Variants in SATB2 observed in about 807,000 individuals in gnomAD.
The protein encoded by SATB2 is DNA-binding protein SATB2.
Under a neutral mutation model 73.4 loss-of-function variants are expected in SATB2, and 1 was observed. That is an observed-to-expected ratio of 0.01 (90% CI 0.00 to 0.06). The LOEUF (loss-of-function observed/expected upper bound fraction) is 0.06. Among genes scored for constraint, SATB2 ranks in the 10% least tolerant of loss-of-function variants. The pLI, the probability that SATB2 is intolerant of heterozygous loss-of-function variation, is 1.00. For missense variants in SATB2, 459 were observed against 945.8 expected, an observed-to-expected ratio of 0.49 and a Z score of 6.75; for synonymous variants, 397 against 367.0, an observed-to-expected ratio of 1.08 and a Z score of -0.93.
intron 7 of SATB2, among the ~76,000 whole-genome samples, chr2:199,338,003 A>T (rs1426720445): frequency 6.6e-6 from 1 of 152,182 alleles, no homozygotes; most frequent in African/African-American, 2.4e-5. Flanking sequence ...ATCATACTGT[A>T]AATATAACAT....
At chr2:199,346,810 AT>A (rs1399803967) in intron 7 of SATB2, 1 of 150,282 alleles carries the variant, frequency 6.7e-6, no homozygotes, top group African/African-American at 2.5e-5. Flanking sequence ...AGGCAATCCA[AT>A]TTACCAACAT....
At chr2:199,441,356 G>A (rs991312252) in intron 2 of SATB2, among the ~76,000 whole-genome samples, 1 of 152,120 alleles carries the variant, frequency 6.6e-6, no homozygotes, top group African/African-American at 2.4e-5. Flanking sequence ...GAATTTTTCA[G>A]AGAATGTGTA....
chr2:199,444,807 G>A (rs533282551), intron 2 of SATB2, among the ~76,000 whole-genome samples: 1 of 152,306 alleles, frequency 6.6e-6, no homozygotes, highest in South Asian at 2.1e-4. Flanking sequence ...GATGATAGAA[G>A]AAACTATACA....
At position 199,318,856 on chromosome 2, in the gene SATB2, C is replaced by A. The variant is rs577311383; in HGVS notation, c.1542+4947G>T. Among the ~76,000 whole-genome samples, 13 of 151,852 alleles carry A rather than the reference C, an allele frequency of 8.6e-5. No individual in the cohort carries two copies. In the East Asian group the frequency reaches 1.4e-3, roughly 16 times the overall value. On this transcript the variant is annotated intron_variant, in intron 9 of 10. Coordinates refer to ENST00000417098, the MANE Select transcript of SATB2 (RefSeq NM_001172509.2). Reference sequence around the variant, plus strand: ...GACCTAGATGTTTTAAATTATTTAGCCTGTCAAGCAAATTAGACCACCTAT... The same window carrying A: ...GACCTAGATGTTTTAAATTATTTAGACTGTCAAGCAAATTAGACCACCTAT...
intron 6 of SATB2, among the ~76,000 whole-genome samples, chr2:199,362,682 G>C (rs551644380): frequency 6.6e-6 from 1 of 152,214 alleles, no homozygotes; most frequent in African/African-American, 2.4e-5. Context: ...CCAGCCCTTA[G>C]AATCCTGCCA....
intron 10 of SATB2, among the ~76,000 whole-genome samples, chr2:199,281,167 G>T (rs931683178): frequency 6.6e-6 from 1 of 151,916 alleles, no homozygotes; most frequent in African/African-American, 2.4e-5. Flanking sequence ...CCAGGAGCGG[G>T]AGGTTGCAGT....
At chr2:199,386,180 T>C (rs1398673915) in intron 3 of SATB2, among the ~76,000 whole-genome samples, 1 of 152,198 alleles carries the variant, frequency 6.6e-6, no homozygotes, top group Non-Finnish European at 1.5e-5. Flanking sequence ...TTTGAGATAG[T>C]TGCATTATAC....
chr2:199,315,267 A>G (rs150972834), intron 9 of SATB2, among the ~76,000 whole-genome samples: 1 of 152,216 alleles, frequency 6.6e-6, no homozygotes, highest in African/African-American at 2.4e-5. Context: ...GTATGGCAAT[A>G]TCTATTTCAC....
rs1692199220 is a variant in SATB2 at position 199,272,733 on chromosome 2, T to C, written c.1741-61A>G. On this transcript the variant is annotated intron_variant, in intron 10 of 10. Transcript: ENST00000417098. This position sits in a 1 kb window ranked among gnomAD's most constrained non-coding sequence, Gnocchi z 6.7. ...TCATGATTTTACCTTTCCAAAACCA[T>C]CAGCCCTCTGAAATATGTGTTATCT... The C allele has an allele frequency of 5.5e-6, 8 of 1,454,726 alleles. No individual in the cohort carries two copies. The highest frequency in any genetic ancestry group is 3.5e-4 in the Middle Eastern group (2 of 5,718). The allele number at this position is 1,454,726 out of a possible 1,614,324, so 90.1% of individuals were successfully genotyped here.
At chr2:199,447,139 T>C (rs1173310315) in intron 2 of SATB2, among the ~76,000 whole-genome samples, 2 of 152,098 alleles carry the variant, frequency 1.3e-5, no homozygotes, top group Non-Finnish European at 2.9e-5. Flanking sequence ...GCTCACAGTT[T>C]CTATTAATAG....
chr2:199,433,929 AAAGT>A (rs886783593), intron 2 of SATB2, among the ~76,000 whole-genome samples: 3 of 152,016 alleles, frequency 2.0e-5, no homozygotes, highest in African/African-American at 7.2e-5. Flanking sequence ...TTTACACGTA[AAAGT>A]AATATATTTC....
intron 8 of SATB2, among the ~76,000 whole-genome samples, chr2:199,327,558 G>A (rs927192115): frequency 6.6e-6 from 1 of 152,102 alleles, no homozygotes; most frequent in Non-Finnish European, 1.5e-5. Context: ...TAAATCTATC[G>A]AGTAGTAAAA....
rs1165573841 is a variant in SATB2 at position 199,272,884 on chromosome 2, A to G, written c.1741-212T>C. Among the ~76,000 whole-genome samples the G allele has an allele frequency of 6.6e-6, 1 of 152,146 alleles. No individual in the cohort carries two copies. The highest frequency in any genetic ancestry group is 1.5e-5 in the Non-Finnish European group (1 of 68,034). On this transcript the variant is annotated intron_variant, in intron 10 of 10. Transcript: ENST00000417098. This position sits in a 1 kb window ranked among gnomAD's most constrained non-coding sequence, Gnocchi z 6.7. ...GTTCATAACAGTAGTATTTGCCATC[A>G]TTTATATTCTGAGATGCAAAGTCAA...
intron 1 of SATB2, among the ~76,000 whole-genome samples, chr2:199,456,975 T>TGGGG (rs71397724): frequency 4.0e-5 from 5 of 123,776 alleles, no homozygotes; most frequent in African/African-American, 1.3e-4. Flanking sequence ...ATTGGGGGGG[T>TGGGG]GGGGGGGGGC....
At chr2:199,320,055 G>T (rs946855765) in intron 9 of SATB2, among the ~76,000 whole-genome samples, 7 of 152,188 alleles carry the variant, frequency 4.6e-5, no homozygotes, top group African/African-American at 1.7e-4. Context: ...GGGGAAAGCG[G>T]CCCTACAGAA....
At chr2:199,434,629 G>A (rs996441115) in intron 2 of SATB2, among the ~76,000 whole-genome samples, 1 of 152,150 alleles carries the variant, frequency 6.6e-6, no homozygotes, top group African/African-American at 2.4e-5. Flanking sequence ...AAGACTGGGT[G>A]AGTAGGCAGA....
chr2:199,291,933 A>AATAAAAAAATAAAT (rs1692876960), intron 10 of SATB2, among the ~76,000 whole-genome samples: 1 of 152,074 alleles, frequency 6.6e-6, no homozygotes, highest in Non-Finnish European at 1.5e-5. Flanking sequence ...AATAAAAATA[A>AATAAAAAAATAAAT]AAACAAAAAC....
intron 3 of SATB2, among the ~76,000 whole-genome samples, chr2:199,390,154 C>A (rs1690087899): frequency 1.3e-5 from 2 of 151,928 alleles, no homozygotes; most frequent in East Asian, 3.9e-4. Context: ...CTGAAGTTAG[C>A]ATTTCAGAAA....
chr2:199,433,320 G>T lies in SATB2; in HGVS notation c.346+18C>A. On this transcript the variant is annotated intron_variant, in intron 3 of 10. Coordinates refer to ENST00000417098, the MANE Select transcript of SATB2 (RefSeq NM_001172509.2). ...GACACACAAGAGACTTGGGAGGAGA[G>T]GGGAGAGGCATTAATACCTTGGGCC... The T allele has an allele frequency of 5.6e-6, 9 of 1,610,858 alleles. No individual in the cohort carries two copies. Among genetic ancestry groups the T allele is most frequent in the Non-Finnish European group, 7.6e-6 (9 of 1,178,032 alleles).
Sources: gnomAD v4.1 joint callset for allele counts (sites outside exome capture counted in the v4.1 genomes callset) on GRCh38, gnomAD v4.1.1 for gene constraint, Gnocchi (gnomAD v3.1) non-coding constraint, MANE v1.5 for transcripts, NCBI Gene and HGNC (gene_info 2026-07-23, HGNC 2026-07-21) for gene names.